The following ZFAND5 variants were observed in gnomAD, a reference collection of about 807,000 sequenced individuals.
The protein encoded by ZFAND5 is AN1-type zinc finger protein 5.
In ZFAND5, 4 loss-of-function variants were observed where a neutral mutation model predicts 23.6. The observed-to-expected ratio is 0.17, with a 90% confidence interval of 0.08 to 0.39. ZFAND5 has a LOEUF of 0.39. Among genes scored for constraint, ZFAND5 ranks in the 10% least tolerant of loss-of-function variants. The pLI is 1.00. For synonymous variants in ZFAND5, 68 were observed against 80.6 expected, an observed-to-expected ratio of 0.84 and a Z score of 0.84; for missense variants, 161 against 253.7, an observed-to-expected ratio of 0.63 and a Z score of 2.48.
chr9:72,357,645 A>G (rs1330604143), intron 5 of ZFAND5, among the ~76,000 whole-genome samples: 1 of 151,826 alleles, frequency 6.6e-6, no homozygotes, highest in Non-Finnish European at 1.5e-5. Flanking sequence ...GGAAGACTTG[A>G]AAGATTTTTT....
intron 2 of ZFAND5, among the ~76,000 whole-genome samples, chr9:72,361,031 A>G (rs1430420434): frequency 2.6e-5 from 4 of 152,228 alleles, no homozygotes; most frequent in African/African-American, 7.2e-5. Flanking sequence ...TTTACCTATC[A>G]CTATTCTTGG....
Position 72,363,534 on chromosome 9 carries a change from C to T in ZFAND5, c.-74G>A. ...CTAAGTCAGTGACCTTGGGCAAGTCCTTACTTTCCAGATTTCAGTTCCCTC... is the reference window on the plus strand; with the variant it reads ...CTAAGTCAGTGACCTTGGGCAAGTCTTTACTTTCCAGATTTCAGTTCCCTC... On this transcript the variant is annotated 5_prime_UTR_variant, in exon 2 of 7. Coordinates refer to ENST00000376962, the MANE Select transcript of ZFAND5 (RefSeq NM_001102420.3). 1 of 789,534 alleles carries T rather than the reference C, an allele frequency of 1.3e-6. No homozygotes were observed. Among genetic ancestry groups the T allele is most frequent in the Non-Finnish European group, 1.5e-6 (1 of 650,836 alleles). 48.9% of individuals were successfully genotyped at this position (789,534 alleles called of 1,614,324 possible).
chr9:72,359,732 T>C (rs890553433), intron 4 of ZFAND5, among the ~76,000 whole-genome samples: 3 of 152,222 alleles, frequency 2.0e-5, no homozygotes, highest in African/African-American at 7.2e-5. Flanking sequence ...GGCTGCATTT[T>C]GTATAGGTTA....
At chr9:72,359,589 T>C (rs1842040147) in intron 4 of ZFAND5, 68 bp from the exon 5 acceptor site, 1 of 1,350,108 alleles carries the variant, frequency 7.4e-7, no homozygotes, top group Non-Finnish European at 1.0e-6. Context: ...GAATAAGTTG[T>C]CAGTTCAACT....
At chr9:72,363,133 G>T (rs934118640) in intron 2 of ZFAND5, among the ~76,000 whole-genome samples, 1 of 152,164 alleles carries the variant, frequency 6.6e-6, no homozygotes, top group Non-Finnish European at 1.5e-5. Context: ...GTGTAAAAAA[G>T]AATCCTCATT....
At position 72,360,219 on chromosome 9, in the gene ZFAND5, T is replaced by C. The variant is rs760101709; in HGVS notation, c.154A>G (p.Thr52Ala). 1 of 1,609,304 alleles carries C rather than the reference T, an allele frequency of 6.2e-7. No individual in the cohort carries two copies. Among genetic ancestry groups the C allele is most frequent in the Non-Finnish European group, 8.5e-7 (1 of 1,178,286 alleles). Residue 52 changes from threonine to alanine, a missense_variant and splice_region_variant, in exon 4 of 7, where the codon ACA becomes GCA. Thr to Ala is a moderately conservative substitution (Grantham distance 58). Transcript: ENST00000376962. ...QNSGRMSPMGTASGSNSPTSD... is the reference protein window; with the variant it reads ...QNSGRMSPMGAASGSNSPTSD... ...GTAGGACTGTTGGAACCACTAGCTGTTCCTATTTAAAAAAAGGATTTGTAA... is the reference window on the plus strand; with the variant it reads ...GTAGGACTGTTGGAACCACTAGCTGCTCCTATTTAAAAAAAGGATTTGTAA...
chr9:72,362,017 C>A (rs1224706119), intron 2 of ZFAND5, among the ~76,000 whole-genome samples: 1 of 152,124 alleles, frequency 6.6e-6, no homozygotes, highest in Non-Finnish European at 1.5e-5. Flanking sequence ...GGGGACTAAC[C>A]AATTTTGACC....
chr9:72,361,690 A>AG (rs1842107514), intron 2 of ZFAND5, among the ~76,000 whole-genome samples: 1 of 152,256 alleles, frequency 6.6e-6, no homozygotes, highest in African/African-American at 2.4e-5. Context: ...TTTGTTTCCA[A>AG]GGAAGATTTG....
rs1161156868 is a variant in ZFAND5 at position 72,355,188 on chromosome 9, C to G, written c.*765G>C. The G allele has an allele frequency of 6.6e-6, 1 of 152,606 alleles. No homozygotes were observed. The highest frequency in any genetic ancestry group is 2.1e-4 in the South Asian group (1 of 4,836). 9.5% of individuals were successfully genotyped at this position (152,606 alleles called of 1,614,324 possible). ...AAAACCAAACGTAGAGTTTAAATTT[C>G]TTCTTGTAAACAAATTAATCCTAGT... On this transcript the variant is annotated 3_prime_UTR_variant, in exon 7 of 7. Transcript: ENST00000376962.
rs557141000 is a variant in ZFAND5, at chr9:72,351,897, A to G, written c.*4056T>C. On this transcript the variant is annotated 3_prime_UTR_variant, in exon 7 of 7. Coordinates refer to ENST00000376962, the MANE Select transcript of ZFAND5 (RefSeq NM_001102420.3). Reference sequence around the variant, plus strand: ...AAACTCTTCTAGCTAGTTTAAGGCTACATAATCTTATTGCTAATCAACCAG... The same window carrying G: ...AAACTCTTCTAGCTAGTTTAAGGCTGCATAATCTTATTGCTAATCAACCAG... The G allele has an allele frequency of 6.6e-6, 1 of 152,350 alleles. No homozygotes were observed. The highest frequency in any genetic ancestry group is 1.9e-4 in the East Asian group (1 of 5,184). 9.4% of individuals were successfully genotyped at this position (152,350 alleles called of 1,614,324 possible).
chr9:72,360,130 G>A lies in ZFAND5; in HGVS notation c.243C>T (p.Gly81=). The A allele has an allele frequency of 6.2e-7, 1 of 1,610,856 alleles. No homozygotes were observed. Among genetic ancestry groups the A allele is most frequent in the South Asian group, 1.1e-5 (1 of 90,734 alleles). The change falls in exon 4 of 7, where the codon GGC becomes GGT. Residue 81 remains glycine (G), a synonymous_variant. Transcript: ENST00000376962. ...TSLNNCEGAA[G]STSEKSRNVP... ...CTTACCTTGATTTTTCAGATGTGCT[G>A]CCAGCAGCACCTTCACAGTTGTTTA... is the stretch of plus-strand genomic sequence containing the variant.
rs1841877812 is a variant in ZFAND5 at position 72,354,483 on chromosome 9, A to G, written c.*1470T>C. 1 of 152,656 alleles carries G rather than the reference A, an allele frequency of 6.6e-6. No homozygotes were observed. Among genetic ancestry groups the G allele is most frequent in the Non-Finnish European group, 1.5e-5 (1 of 68,038 alleles). 9.5% of individuals were successfully genotyped at this position (152,656 alleles called of 1,614,324 possible). ...TTTCCCTCTGTACATGGCTTTTATT[A>G]TTTACATAATACAATATAGCATCAA... On this transcript the variant is annotated 3_prime_UTR_variant, in exon 7 of 7. Transcript: ENST00000376962.
rs907694687 is a variant in ZFAND5 at position 72,352,505 on chromosome 9, A to C, written c.*3448T>G. 1 of 152,218 alleles carries C rather than the reference A, an allele frequency of 6.6e-6. No individual in the cohort carries two copies. Among genetic ancestry groups the C allele is most frequent in the Non-Finnish European group, 1.5e-5 (1 of 68,036 alleles). The allele number at this position is 152,218 out of a possible 1,614,324, so 9.4% of individuals were successfully genotyped here. A position where few individuals can be genotyped will look rare whatever the true frequency, so the allele number is the denominator to read the frequency against. Reference sequence around the variant, plus strand: ...AGTGTGTATTGATAAATCCATGTGAATGTTATTACCAACCCCCAAAATACA... The same window carrying C: ...AGTGTGTATTGATAAATCCATGTGACTGTTATTACCAACCCCCAAAATACA... On this transcript the variant is annotated 3_prime_UTR_variant, in exon 7 of 7. Transcript: ENST00000376962.
chr9:72,363,736 ACT>A (rs1842170067), intron 1 of ZFAND5, 130 bp from the exon 2 acceptor site: 1 of 732,918 alleles, frequency 1.4e-6, no homozygotes, highest in Non-Finnish European at 1.7e-6. Context: ...CTGAAAGCCT[ACT>A]CTTTAAAAAA....
intron 5 of ZFAND5, 73 bp downstream of exon 5, chr9:72,359,345 A>G: frequency 4.7e-6 from 7 of 1,477,460 alleles, no homozygotes; most frequent in Non-Finnish European, 6.5e-6. Flanking sequence ...AATGGGAAGG[A>G]AAGAATCCCC....
At chr9:72,360,045 A>G in intron 4 of ZFAND5, 65 bp downstream of exon 4, 1 of 1,344,672 alleles carries the variant, frequency 7.4e-7, no homozygotes, top group African/African-American at 1.5e-5. Flanking sequence ...TTATTATTGG[A>G]CCAGTACAGA....
rs1841920001 is a variant in ZFAND5 at position 72,355,528 on chromosome 9, G to A, written c.*425C>T. Reference sequence around the variant, plus strand: ...AGGGTGAAGTTTAACTATGGTAGAAGTAGACTGCCAGTCCTTTTCTGGTGT... The same window carrying A: ...AGGGTGAAGTTTAACTATGGTAGAAATAGACTGCCAGTCCTTTTCTGGTGT... On this transcript the variant is annotated 3_prime_UTR_variant, in exon 7 of 7. Transcript: ENST00000376962. 6.5e-6 allele frequency: 1 copy of A among 153,348 alleles called. No homozygotes were observed. Among genetic ancestry groups the A allele is most frequent in the Admixed American group, 6.5e-5 (1 of 15,330 alleles). 9.5% of individuals were successfully genotyped at this position (153,348 alleles called of 1,614,324 possible). A position where few individuals can be genotyped will look rare whatever the true frequency, so the allele number is the denominator to read the frequency against.
At chr9:72,362,077 G>C (rs370161999) in intron 2 of ZFAND5, among the ~76,000 whole-genome samples, 2 of 152,204 alleles carry the variant, frequency 1.3e-5, no homozygotes, top group East Asian at 1.9e-4. Context: ...CTTCCCTTTT[G>C]TAAGTAAAAG....
At chr9:72,363,057 G>A (rs768624040) in intron 2 of ZFAND5, among the ~76,000 whole-genome samples, 39 of 152,120 alleles carry the variant, frequency 2.6e-4, no homozygotes, top group Non-Finnish European at 5.7e-4. Flanking sequence ...CAATCTAGAA[G>A]ATGAAAGCAT....
Sources: allele counts gnomAD v4.1 joint callset (sites outside exome capture counted in the v4.1 genomes callset), GRCh38; gene constraint gnomAD v4.1.1; transcripts MANE v1.5; gene names NCBI Gene and HGNC (gene_info 2026-07-23, HGNC 2026-07-21).